The following USH2A variants were observed in gnomAD, a reference collection of about 807,000 sequenced individuals.
The protein encoded by USH2A is Usher syndrome 2A (autosomal recessive, mild).
USH2A carries 443 observed loss-of-function variants against 538.9 expected under a neutral mutation model. That is an observed-to-expected ratio of 0.82 (90% CI 0.76 to 0.89). USH2A has a LOEUF of 0.89. Among genes scored for constraint, USH2A ranks in the 40% least tolerant of loss-of-function variants. The probability of loss-of-function intolerance (pLI) is 0.00; values close to 1 mark genes in which losing one functional copy is unlikely to be tolerated. For missense variants in USH2A, 6,633 were observed against 6,324.8 expected (o/e 1.05, Z -1.65); for synonymous variants, 2,413 against 2,273.5 (o/e 1.06, Z -1.75).
At chr1:215,742,565 G>C (rs1436361362) in intron 59 of USH2A, among the ~76,000 whole-genome samples, 1 of 151,948 alleles carries the variant, frequency 6.6e-6, no homozygotes, top group Non-Finnish European at 1.5e-5. Flanking sequence ...TTGATTCCCT[G>C]TTCTCCCCTC....
chr1:216,419,577 C>T (rs897030065), intron 2 of USH2A, among the ~76,000 whole-genome samples: 1 of 152,038 alleles, frequency 6.6e-6, no homozygotes, highest in African/African-American at 2.4e-5. Context: ...TCACTTTGTG[C>T]TCACTTAACA....
chr1:216,330,569 G>T (rs1049446514), intron 4 of USH2A, among the ~76,000 whole-genome samples: 1 of 151,862 alleles, frequency 6.6e-6, no homozygotes, highest in East Asian at 1.9e-4. Context: ...CAGAATAAAA[G>T]GGGGGAGGTT....
chr1:216,292,890 A>AGT (rs1279872230), intron 9 of USH2A, among the ~76,000 whole-genome samples: 2 of 152,200 alleles, frequency 1.3e-5, no homozygotes, highest in African/African-American at 2.4e-5. Context: ...CCATTTATTT[A>AGT]GTACTCTGTA....
Position 216,000,406 on chromosome 1 carries a change from A to AT in USH2A, c.6481dup (p.Ile2161AsnfsTer26). The AT allele has an allele frequency of 6.2e-7, 1 of 1,613,476 alleles. No individual in the cohort carries two copies. Among genetic ancestry groups the AT allele is most frequent in the Non-Finnish European group, 8.5e-7 (1 of 1,179,582 alleles). The stretch of plus-strand genomic sequence containing the variant: ...GAGAGACAACATTTCTACTTACTGT[A>AT]TGTGTATAGTTCTAGAATCCAGGAC... On this transcript the variant is annotated frameshift_variant, in exon 33 of 72. Coordinates refer to ENST00000307340, the MANE Select transcript of USH2A (RefSeq NM_206933.4). LOFTEE classifies it high-confidence loss of function.
chr1:216,371,080 C>T lies in USH2A; in HGVS notation c.652-5995G>A, dbSNP rs74141563. Among the ~76,000 whole-genome samples the T allele has an allele frequency of 6.0e-3, 915 of 152,306 alleles. 11 individuals carry two copies. Among genetic ancestry groups the T allele is most frequent in the African/African-American group, 0.021 (876 of 41,562 alleles). ...ATTCTGCCTCTGCAGATTTTGGGAA[C>T]GCCTTTCTCTCTGAACAGCTTTTAC... is the stretch of plus-strand genomic sequence containing the variant. On this transcript the variant is annotated intron_variant, in intron 3 of 71. Transcript: ENST00000307340.
chr1:216,052,532 T>G (rs1282523578), intron 30 of USH2A, among the ~76,000 whole-genome samples: 3 of 152,168 alleles, frequency 2.0e-5, no homozygotes, highest in African/African-American at 7.2e-5. Context: ...TAGGGAATCT[T>G]GTTCATCATG....
In USH2A at chr1:215,779,948, C is replaced by T. The variant is rs763125604; in HGVS notation, c.10834G>A (p.Val3612Ile). 54 of 1,614,002 alleles carry T rather than the reference C, an allele frequency of 3.3e-5. No homozygotes were observed. Among genetic ancestry groups the T allele is most frequent in the Non-Finnish European group, 4.2e-5 (50 of 1,180,030 alleles). Residue 3612 changes from valine to isoleucine, a missense_variant, in exon 55 of 72, where the codon GTC becomes ATC. Transcript: ENST00000307340. The part of the protein sequence containing the change: ...SAVALHLSWS[V>I]PEKSNGVIKE... ...ATGACGCCGTTTGATTTCTCAGGGACACTCCAGCTCAGATGCAGAGCCACT... is the reference window on the plus strand; with the variant it reads ...ATGACGCCGTTTGATTTCTCAGGGATACTCCAGCTCAGATGCAGAGCCACT...
chr1:215,834,331 TACTC>T (rs1454976599), intron 47 of USH2A, among the ~76,000 whole-genome samples: 3 of 152,166 alleles, frequency 2.0e-5, no homozygotes, highest in Non-Finnish European at 4.4e-5. Context: ...AATGGAATCT[TACTC>T]AGCAACAAAA....
chr1:215,794,506 T>C (rs1403766272), intron 50 of USH2A, among the ~76,000 whole-genome samples: 1 of 152,032 alleles, frequency 6.6e-6, no homozygotes, highest in African/African-American at 2.4e-5. Context: ...TTCTGGAAGG[T>C]CATTAAGGTC....
intron 64 of USH2A, among the ~76,000 whole-genome samples, chr1:215,653,982 A>G (rs765504376): frequency 6.6e-6 from 1 of 152,198 alleles, no homozygotes; most frequent in Non-Finnish European, 1.5e-5. Flanking sequence ...TTGTGAACAA[A>G]CAGTTGTGTA....
chr1:216,242,892 T>A (rs1456185957), intron 13 of USH2A, among the ~76,000 whole-genome samples: 1 of 152,172 alleles, frequency 6.6e-6, no homozygotes, highest in African/African-American at 2.4e-5. Context: ...AGTTTCCCCA[T>A]CAAAATTTAA....
rs77919435 is a variant in USH2A, at chr1:215,624,879, A to G, written c.*902T>C. Reference sequence around the variant, plus strand: ...TTCCTTTTAAAATTTCACGCAGCCTAATATTGCAAATAGAACAGTAGTTTC... The same window carrying G: ...TTCCTTTTAAAATTTCACGCAGCCTGATATTGCAAATAGAACAGTAGTTTC... On this transcript the variant is annotated 3_prime_UTR_variant, in exon 72 of 72. Transcript: ENST00000307340. 892 of 152,316 alleles carry G rather than the reference A, an allele frequency of 5.9e-3. 21 individuals are homozygous for G. In the South Asian group the frequency reaches 0.064, roughly 11 times the overall value. The allele number at this position is 152,316 out of a possible 1,614,324, so 9.4% of individuals were successfully genotyped here.
At chr1:215,773,492 GTCTC>G (rs930672000) in intron 55 of USH2A, among the ~76,000 whole-genome samples, 3 of 84,412 alleles carry the variant, frequency 3.6e-5, no homozygotes, top group Non-Finnish European at 6.7e-5. Context: ...CTGTCTCTCT[GTCTC>G]TCTCTCTCTC....
intron 5 of USH2A, among the ~76,000 whole-genome samples, 183 bp downstream of exon 5, chr1:216,327,408 G>T (rs577006626): frequency 6.6e-6 from 1 of 152,268 alleles, no homozygotes; most frequent in African/African-American, 2.4e-5. Context: ...AGTTCCTCAA[G>T]AGTAGCACTA....
intron 62 of USH2A, among the ~76,000 whole-genome samples, chr1:215,677,311 T>C (rs1658064855): frequency 6.6e-6 from 1 of 152,208 alleles, no homozygotes; most frequent in Non-Finnish European, 1.5e-5. Context: ...ATCTCCTACG[T>C]CACCAGTTTA....
At chr1:215,835,164 C>CAAA (rs34758891) in intron 47 of USH2A, among the ~76,000 whole-genome samples, 154 of 56,070 alleles carry the variant, frequency 2.7e-3, no homozygotes, top group African/African-American at 8.5e-3. Flanking sequence ...AGTGATGCAC[C>CAAA]AAAAAAAAAA....
chr1:215,889,209 C>A (rs1665146189), intron 40 of USH2A, among the ~76,000 whole-genome samples, 155 bp from the exon 41 acceptor site: 1 of 152,100 alleles, frequency 6.6e-6, no homozygotes, highest in Non-Finnish European at 1.5e-5. Context: ...AAGACAAGGA[C>A]TGTGATTGCT....
At position 216,149,092 on chromosome 1, in the gene USH2A, ACG is replaced by A. The variant is rs1558284788; in HGVS notation, c.4627+26158_4627+26159del. Among the ~76,000 whole-genome samples, 26 of 151,986 alleles carry A rather than the reference ACG, an allele frequency of 1.7e-4. 1 individual carries two copies. The highest frequency in any genetic ancestry group is 3.4e-4 in the Non-Finnish European group (23 of 67,906). On this transcript the variant is annotated intron_variant, in intron 21 of 71. Transcript: ENST00000307340. ...CCTTTCCTTCCTAGGCATGGTTAGC[ACG>A]GTCAGAATTTTTACACAAGAGCCAA...
chr1:215,630,564 A>G (rs1201656167), intron 70 of USH2A, among the ~76,000 whole-genome samples: 5 of 146,408 alleles, frequency 3.4e-5, no homozygotes, highest in African/African-American at 1.3e-4. Flanking sequence ...CTAAAACTTC[A>G]TAGTGAGGCC....
Sources: allele counts gnomAD v4.1 joint callset (sites outside exome capture counted in the v4.1 genomes callset), GRCh38; gene constraint gnomAD v4.1.1; transcripts MANE v1.5; gene names NCBI Gene and HGNC (gene_info 2026-07-23, HGNC 2026-07-21).